The following RAPGEF4 variants were observed in gnomAD, a reference collection of about 807,000 sequenced individuals.
RAPGEF4 encodes Rap guanine nucleotide exchange factor 4.
RAPGEF4 carries 66 observed loss-of-function variants against 147.9 expected under a neutral mutation model. That is an observed-to-expected ratio of 0.45 (90% CI 0.37 to 0.55). The LOEUF (loss-of-function observed/expected upper bound fraction) is 0.55. Ranked by LOEUF, RAPGEF4 falls within the 20% of genes least tolerant of loss-of-function variation. The pLI is 0.00. For missense variants in RAPGEF4, 1,071 were observed against 1,257.3 expected (o/e 0.85, Z 2.24); for synonymous variants, 419 against 442.7 (o/e 0.95, Z 0.67).
At chr2:172,884,048 G>A (rs934273073) in intron 4 of RAPGEF4, among the ~76,000 whole-genome samples, 4 of 152,068 alleles carry the variant, frequency 2.6e-5, no homozygotes, top group Admixed American at 6.6e-5. Flanking sequence ...GGCTTCTTCC[G>A]GTAACTAAAC....
chr2:172,764,536 G>A (rs1216519294), intron 1 of RAPGEF4, among the ~76,000 whole-genome samples: 4 of 152,246 alleles, frequency 2.6e-5, no homozygotes, highest in East Asian at 3.9e-4. Flanking sequence ...GATGTGGGTG[G>A]AAGATGTGAT....
intron 1 of RAPGEF4, among the ~76,000 whole-genome samples, chr2:172,783,558 A>T (rs2149516188): frequency 6.6e-6 from 1 of 152,172 alleles, no homozygotes. Flanking sequence ...GAAAAACTGC[A>T]ATGGTCCCTG....
intron 1 of RAPGEF4, among the ~76,000 whole-genome samples, chr2:172,782,701 G>T (rs1039020836): frequency 6.6e-6 from 1 of 152,194 alleles, no homozygotes; most frequent in African/African-American, 2.4e-5. Flanking sequence ...TTTTAAAGAA[G>T]CCTCGGTTAT....
chr2:172,852,600 T>C (rs1692979237), intron 4 of RAPGEF4, among the ~76,000 whole-genome samples: 1 of 152,168 alleles, frequency 6.6e-6, no homozygotes. Context: ...ATCTTACTTC[T>C]TTCTTTCTAA....
At chr2:172,902,962 A>G (rs1168026011) in intron 4 of RAPGEF4, among the ~76,000 whole-genome samples, 2 of 152,196 alleles carry the variant, frequency 1.3e-5, no homozygotes, top group Non-Finnish European at 2.9e-5. Flanking sequence ...CAGGTTGTTC[A>G]TGGGAACTTG....
intron 29 of RAPGEF4, among the ~76,000 whole-genome samples, chr2:173,038,342 T>C (rs1289247938): frequency 1.3e-5 from 2 of 152,268 alleles, no homozygotes; most frequent in African/African-American, 4.8e-5. Context: ...GGATTACTTA[T>C]GCAGAAATGC....
chr2:172,992,740 A>G (rs1013750916), intron 15 of RAPGEF4, among the ~76,000 whole-genome samples: 2 of 152,196 alleles, frequency 1.3e-5, no homozygotes, highest in African/African-American at 4.8e-5. Context: ...CTGTATTCCA[A>G]TCCAAATTTC....
At chr2:172,761,007 A>C (rs1230336285) in intron 1 of RAPGEF4, among the ~76,000 whole-genome samples, 3 of 151,862 alleles carry the variant, frequency 2.0e-5, no homozygotes, top group African/African-American at 7.2e-5. Flanking sequence ...CAAGAGAGAA[A>C]GGACACCTTA....
At chr2:172,838,903 T>C (rs1384931297) in intron 4 of RAPGEF4, among the ~76,000 whole-genome samples, 2 of 152,140 alleles carry the variant, frequency 1.3e-5, no homozygotes, top group South Asian at 2.1e-4. Flanking sequence ...ACTGCACTTA[T>C]TTTTTTCTTA....
intron 1 of RAPGEF4, among the ~76,000 whole-genome samples, chr2:172,742,051 C>T (rs529171348): frequency 3.3e-5 from 5 of 152,276 alleles, no homozygotes; most frequent in African/African-American, 4.8e-5. Flanking sequence ...TACCTTCACG[C>T]GCTCCCCACT....
At chr2:172,752,362 C>T (rs1438951298) in intron 1 of RAPGEF4, among the ~76,000 whole-genome samples, 1 of 152,050 alleles carries the variant, frequency 6.6e-6, no homozygotes, top group African/African-American at 2.4e-5. Flanking sequence ...CACCATCTGC[C>T]TTTTGATAAT....
rs74851449 is a variant in RAPGEF4 at position 172,795,479 on chromosome 2, G to T, written c.208+312G>T. Among the ~76,000 whole-genome samples the T allele has an allele frequency of 5.9e-5, 9 of 152,286 alleles. No individual in the cohort carries two copies. In the East Asian group the frequency reaches 1.7e-3, roughly 29 times the overall value. On this transcript the variant is annotated intron_variant, in intron 2 of 30. Transcript: ENST00000397081. ...CACATAATTGTCTTCTCTAATCCAAGAAATATGTGGCCAATAGGATATTAA... is the reference window on the plus strand; with the variant it reads ...CACATAATTGTCTTCTCTAATCCAATAAATATGTGGCCAATAGGATATTAA...
intron 6 of RAPGEF4, among the ~76,000 whole-genome samples, chr2:172,940,995 A>G (rs1687087928): frequency 1.3e-5 from 2 of 152,174 alleles, no homozygotes; most frequent in South Asian, 4.1e-4. Context: ...TCTAAGAGGT[A>G]TTTTATTATT....
At chr2:172,787,765 A>T (rs777798095) in intron 1 of RAPGEF4, among the ~76,000 whole-genome samples, 1 of 151,966 alleles carries the variant, frequency 6.6e-6, no homozygotes, top group Non-Finnish European at 1.5e-5. Context: ...GAACACAGGC[A>T]TGCACCAAAA....
chr2:173,008,059 A>G (rs564654115), intron 17 of RAPGEF4, among the ~76,000 whole-genome samples: 1 of 84,218 alleles, frequency 1.2e-5, no homozygotes, highest in East Asian at 2.0e-3. Context: ...AGGTGATTAG[A>G]TCGGGTGTGG....
At chr2:173,040,110 C>A (rs1477176231) in intron 29 of RAPGEF4, among the ~76,000 whole-genome samples, 3 of 151,588 alleles carry the variant, frequency 2.0e-5, no homozygotes, top group African/African-American at 7.3e-5. Context: ...ATCGCTTGAA[C>A]CTGGGAGGCA....
At chr2:172,761,912 A>G (rs1696383966) in intron 1 of RAPGEF4, among the ~76,000 whole-genome samples, 1 of 152,074 alleles carries the variant, frequency 6.6e-6, no homozygotes, top group Non-Finnish European at 1.5e-5. Context: ...TCACGAGGTC[A>G]GGAGTTCAAG....
chr2:173,040,786 CA>C (rs1245647738), intron 29 of RAPGEF4, among the ~76,000 whole-genome samples: 2 of 151,680 alleles, frequency 1.3e-5, no homozygotes, highest in South Asian at 2.1e-4. Flanking sequence ...ATCCTGATGC[CA>C]AAAAAAGCAG....
chr2:172,995,898 G>A (rs762448816), intron 15 of RAPGEF4, among the ~76,000 whole-genome samples: 1 of 152,152 alleles, frequency 6.6e-6, no homozygotes, highest in Non-Finnish European at 1.5e-5. Flanking sequence ...ATCTACTGGG[G>A]TTTGTTTGTT....
Sources: allele counts gnomAD v4.1 joint callset (sites outside exome capture counted in the v4.1 genomes callset), GRCh38; gene constraint gnomAD v4.1.1; transcripts MANE v1.5; gene names NCBI Gene and HGNC (gene_info 2026-07-23, HGNC 2026-07-21).